INPP4B: variants seen among roughly 807,000 people sequenced by gnomAD.
The protein encoded by INPP4B is inositol polyphosphate-4-phosphatase type II B.
A neutral mutation model predicts 122.5 loss-of-function variants in INPP4B; 55 were observed. The observed-to-expected ratio is 0.45, with a 90% CI of 0.36 to 0.56. INPP4B has a LOEUF of 0.56. Ranked by LOEUF, INPP4B falls within the 20% of genes least tolerant of loss-of-function variation. The probability of loss-of-function intolerance (pLI) is 0.00; values close to 1 mark genes in which losing one functional copy is unlikely to be tolerated. For missense variants in INPP4B, 1,000 were observed against 1,097.7 expected, an observed-to-expected ratio of 0.91 and a Z score of 1.26; for synonymous variants, 403 against 388.7, an observed-to-expected ratio of 1.04 and a Z score of -0.43.
intron 23 of INPP4B, among the ~76,000 whole-genome samples, chr4:142,089,103 C>T (rs773318775): frequency 3.9e-5 from 6 of 152,114 alleles, no homozygotes; most frequent in Admixed American, 1.3e-4. Flanking sequence ...TCAGAATGTC[C>T]TTGGAGTGGT....
chr4:142,194,941 A>C (rs2149378446), intron 14 of INPP4B, among the ~76,000 whole-genome samples: 1 of 152,322 alleles, frequency 6.6e-6, no homozygotes, highest in African/African-American at 2.4e-5. Context: ...TGAGTCTGAA[A>C]AGAAAAATGA....
intron 2 of INPP4B, among the ~76,000 whole-genome samples, chr4:142,479,231 T>C (rs1560704731): frequency 6.6e-6 from 1 of 152,092 alleles, no homozygotes; most frequent in Non-Finnish European, 1.5e-5. Flanking sequence ...ACATCATTAA[T>C]TGTTAGAAAA....
chr4:142,665,865 G>A (rs748683616), intron 2 of INPP4B, among the ~76,000 whole-genome samples: 7 of 152,132 alleles, frequency 4.6e-5, no homozygotes, highest in Non-Finnish European at 1.5e-5. Flanking sequence ...ACCCCCAGTG[G>A]ATGCCTAAAA....
intron 2 of INPP4B, among the ~76,000 whole-genome samples, chr4:142,564,446 AAAAAAAAAGAAAGAAAG>A (rs1173845807): frequency 1.2e-5 from 1 of 84,444 alleles, no homozygotes; most frequent in Non-Finnish European, 3.0e-5. Flanking sequence ...TGGCAAAAAA[AAAAAAAAAGAAAGAAAG>A]AAAGAAAGAA....
chr4:142,063,408 C>A (rs527346775), intron 25 of INPP4B, among the ~76,000 whole-genome samples: 138 of 152,146 alleles, frequency 9.1e-4, no homozygotes, highest in Non-Finnish European at 1.3e-3. Flanking sequence ...TTCTTTTTCT[C>A]TTCTAGTCCT....
At chr4:142,344,826 C>T (rs1345499886) in intron 7 of INPP4B, among the ~76,000 whole-genome samples, 1 of 151,880 alleles carries the variant, frequency 6.6e-6, no homozygotes, top group Non-Finnish European at 1.5e-5. Context: ...ACAAGTTTAC[C>T]TATGTAACAA....
intron 14 of INPP4B, among the ~76,000 whole-genome samples, chr4:142,196,599 C>T (rs1190628240): frequency 6.6e-6 from 1 of 152,128 alleles, no homozygotes; most frequent in African/African-American, 2.4e-5. Flanking sequence ...TCTTAGTGCT[C>T]ACCTTCCCCA....
intron 3 of INPP4B, among the ~76,000 whole-genome samples, chr4:142,435,534 C>G (rs1810279400): frequency 6.6e-6 from 1 of 151,766 alleles, no homozygotes; most frequent in Admixed American, 6.6e-5. Context: ...CAGAGGCTTT[C>G]ATCTAAAAGA....
chr4:142,641,288 A>G (rs1750364771), intron 2 of INPP4B, among the ~76,000 whole-genome samples: 2 of 152,084 alleles, frequency 1.3e-5, no homozygotes, highest in African/African-American at 4.8e-5. Context: ...TATTTATTAT[A>G]CTTTAAGTTC....
chr4:142,524,171 C>G (rs533160553), intron 2 of INPP4B, among the ~76,000 whole-genome samples: 6 of 151,888 alleles, frequency 4.0e-5, no homozygotes, highest in Non-Finnish European at 7.4e-5. Flanking sequence ...GGGTATATAC[C>G]CAGTAATGGG....
At chr4:142,358,085 TATC>T (rs1315839512) in intron 7 of INPP4B, among the ~76,000 whole-genome samples, 3 of 151,996 alleles carry the variant, frequency 2.0e-5, no homozygotes, top group Non-Finnish European at 2.9e-5. Flanking sequence ...ATTTTGTTCA[TATC>T]AACTGCTTTA....
chr4:142,306,750 C>T (rs1367723744), intron 8 of INPP4B, among the ~76,000 whole-genome samples: 2 of 152,128 alleles, frequency 1.3e-5, no homozygotes, highest in Non-Finnish European at 2.9e-5. Flanking sequence ...CCTGTCATGC[C>T]TATAATCCCA....
chr4:142,231,701 C>T (rs1053973051), intron 12 of INPP4B, among the ~76,000 whole-genome samples: 1 of 151,994 alleles, frequency 6.6e-6, no homozygotes, highest in Admixed American at 6.6e-5. Context: ...TTTTCCACTC[C>T]CTTGGAAAAG....
chr4:142,152,066 C>CTTTTTTTTTTTTTTTTT lies in INPP4B; in HGVS notation c.1564-6087_1564-6071dup, dbSNP rs572092121. 5.4e-4 allele frequency among the ~76,000 whole-genome samples: 38 copies of CTTTTTTTTTTTTTTTTT among 69,952 alleles called. 5 individuals are homozygous for CTTTTTTTTTTTTTTTTT. Among genetic ancestry groups the CTTTTTTTTTTTTTTTTT allele is most frequent in the African/African-American group, 2.1e-3 (37 of 18,004 alleles). 45.9% of individuals were successfully genotyped at this position (69,952 alleles called of 152,430 possible). ...TGCCTAACATGCTTTTTTGTCTTTT[C>CTTTTTTTTTTTTTTTTT]TTTTTTTTTTTTTTTTTTTTTTTTT... On this transcript the variant is annotated intron_variant, in intron 17 of 25. Coordinates refer to ENST00000262992, the MANE Select transcript of INPP4B (RefSeq NM_001101669.3).
chr4:142,670,796 A>T (rs1321104939), intron 2 of INPP4B, among the ~76,000 whole-genome samples: 2 of 152,170 alleles, frequency 1.3e-5, no homozygotes, highest in African/African-American at 2.4e-5. Flanking sequence ...GAGTAGATGT[A>T]AACTGTTCTC....
chr4:142,213,968 C>T (rs1845952941), intron 12 of INPP4B, among the ~76,000 whole-genome samples: 1 of 152,162 alleles, frequency 6.6e-6, no homozygotes, highest in Non-Finnish European at 1.5e-5. Flanking sequence ...CTCTGGGACA[C>T]CTCTTCATGA....
chr4:142,717,728 C>T lies in INPP4B; in HGVS notation c.-191+8111G>A, dbSNP rs143478180. Among the ~76,000 whole-genome samples the T allele has an allele frequency of 8.6e-3, 1,297 of 151,370 alleles. 11 individuals carry two copies. Among genetic ancestry groups the T allele is most frequent in the African/African-American group, 0.029 (1,215 of 41,258 alleles). On this transcript the variant is annotated intron_variant, in intron 2 of 25. Transcript: ENST00000262992. The stretch of plus-strand genomic sequence containing the variant: ...ACACAGGGCGGGGAACATCACATAC[C>T]GGGGCCTGTCGTGGGGTGGGGAATT...
At chr4:142,141,349 G>A (rs1327150461) in intron 18 of INPP4B, among the ~76,000 whole-genome samples, 3 of 152,242 alleles carry the variant, frequency 2.0e-5, no homozygotes, top group Middle Eastern at 3.4e-3. Flanking sequence ...TCTTTAAGAT[G>A]ACGTCAAAAT....
chr4:142,534,060 A>G (rs1827916775), intron 2 of INPP4B, among the ~76,000 whole-genome samples: 1 of 152,164 alleles, frequency 6.6e-6, no homozygotes. Flanking sequence ...CCGGGTATCT[A>G]ATTTTAGAGA....
Sources: allele counts gnomAD v4.1 joint callset (sites outside exome capture counted in the v4.1 genomes callset), GRCh38; gene constraint gnomAD v4.1.1; transcripts MANE v1.5; gene names NCBI Gene and HGNC (gene_info 2026-07-23, HGNC 2026-07-21).